WDPCP: variants seen among roughly 807,000 people sequenced by gnomAD.
The protein encoded by WDPCP is WD repeat containing planar cell polarity effector, also known as WD repeat-containing and planar cell polarity effector protein fritz homolog.
A neutral mutation model predicts 93.1 loss-of-function variants in WDPCP; 71 were observed. That is an observed-to-expected ratio of 0.76 (90% confidence interval 0.63 to 0.93). The LOEUF is 0.93. Among genes scored for constraint, WDPCP ranks in the 40% least tolerant of loss-of-function variants. The pLI is 0.00. For synonymous variants in WDPCP, 315 were observed against 315.0 expected, an observed-to-expected ratio of 1.00 and a Z score of 0.00; for missense variants, 844 against 887.4, an observed-to-expected ratio of 0.95 and a Z score of 0.62.
At chr2:63,345,494 C>A (rs2104497240) in intron 12 of WDPCP, among the ~76,000 whole-genome samples, 1 of 152,220 alleles carries the variant, frequency 6.6e-6, no homozygotes, top group South Asian at 2.1e-4. Context: ...TTCAGGAAGG[C>A]TAGTGAAAGA....
chr2:63,165,715 G>A (rs1672917459), intron 15 of WDPCP, among the ~76,000 whole-genome samples: 1 of 150,198 alleles, frequency 6.7e-6, no homozygotes, highest in African/African-American at 2.5e-5. Context: ...TGTTTTCTAA[G>A]TTTTCAAATT....
chr2:63,228,901 A>G (rs1678565203), intron 14 of WDPCP: 1 of 152,140 alleles, frequency 6.6e-6, no homozygotes, highest in Non-Finnish European at 1.5e-5. Flanking sequence ...ATACGTGTGC[A>G]TGTGTCTTTA....
intron 15 of WDPCP, among the ~76,000 whole-genome samples, chr2:63,166,198 C>CTGGGA (rs925113562): frequency 6.6e-6 from 1 of 151,758 alleles, no homozygotes; most frequent in Non-Finnish European, 1.5e-5. Flanking sequence ...TCCCAAGTAG[C>CTGGGA]TGGGACTACA....
At chr2:63,799,260 T>C (rs1329283233) in intron 2 of WDPCP, among the ~76,000 whole-genome samples, 4 of 152,178 alleles carry the variant, frequency 2.6e-5, no homozygotes, top group African/African-American at 7.2e-5. Context: ...ATCTTGTTAG[T>C]TGTTGAATTC....
chr2:63,690,548 G>C (rs756883333), intron 2 of WDPCP, among the ~76,000 whole-genome samples: 2 of 152,052 alleles, frequency 1.3e-5, no homozygotes, highest in Non-Finnish European at 2.9e-5. Context: ...GAGCCCAGGA[G>C]TTTGAGATCA....
intron 1 of WDPCP, among the ~76,000 whole-genome samples, chr2:63,814,071 G>A (rs1049471663): frequency 6.6e-6 from 1 of 152,150 alleles, no homozygotes; most frequent in Non-Finnish European, 1.5e-5. Context: ...TAACAAAGGG[G>A]TGGATGTATA....
chr2:63,575,539 GTA>G (rs1195049237), intron 1 of WDPCP, among the ~76,000 whole-genome samples: 1 of 138,176 alleles, frequency 7.2e-6, no homozygotes, highest in Non-Finnish European at 1.6e-5. Flanking sequence ...TATATACACT[GTA>G]TATATAGTAT....
Position 63,474,797 on chromosome 2 carries a change from TTA to T in WDPCP, c.384+9805_384+9806del, listed in dbSNP as rs538243739. Among the ~76,000 whole-genome samples, 191 of 152,256 alleles carry T rather than the reference TTA, an allele frequency of 1.3e-3. 2 individuals are homozygous for T. The highest frequency in any genetic ancestry group is 4.3e-3 in the African/African-American group (180 of 41,574). ...TAATGTATTAATGTAAGTTCAAATA[TTA>T]TGTGTTAAAATAATTAGGCCATATG... On this transcript the variant is annotated intron_variant, in intron 6 of 17. Coordinates refer to ENST00000272321, the MANE Select transcript of WDPCP (RefSeq NM_015910.7).
chr2:63,738,393 T>TTTTTTTTTTTTTTTTTTTTTTTTTTA (rs1553453624), intron 2 of WDPCP, among the ~76,000 whole-genome samples: 1 of 151,242 alleles, frequency 6.6e-6, no homozygotes, highest in Non-Finnish European at 1.5e-5. Context: ...GGGCTACTAT[T>TTTTTTTTTTTTTTTTTTTTTTTTTTA]GACATTTGCT....
chr2:63,519,591 C>G (rs1702790216), intron 1 of WDPCP, among the ~76,000 whole-genome samples: 1 of 152,184 alleles, frequency 6.6e-6, no homozygotes, highest in African/African-American at 2.4e-5. Context: ...GGGCCTGATA[C>G]CAGCTCCCCA....
intron 7 of WDPCP, among the ~76,000 whole-genome samples, chr2:63,438,200 T>A (rs937028129): frequency 2.0e-5 from 3 of 152,098 alleles, no homozygotes; most frequent in Admixed American, 1.3e-4. Context: ...TAATGTTACA[T>A]AAAATTATTG....
intron 2 of WDPCP, among the ~76,000 whole-genome samples, chr2:63,715,915 A>G (rs562611843): frequency 6.6e-6 from 1 of 152,324 alleles, no homozygotes; most frequent in East Asian, 1.9e-4. Context: ...ATAGGAATTT[A>G]CTATTTGAGG....
intron 9 of WDPCP, among the ~76,000 whole-genome samples, chr2:63,425,670 CAA>C (rs1696225172): frequency 6.6e-6 from 1 of 151,848 alleles, no homozygotes; most frequent in Non-Finnish European, 1.5e-5. Context: ...GTAAGACAAA[CAA>C]TTTTTAAAAG....
chr2:63,424,238 G>A (rs776823456), intron 9 of WDPCP, among the ~76,000 whole-genome samples: 26 of 150,048 alleles, frequency 1.7e-4, no homozygotes, highest in Non-Finnish European at 3.1e-4. Flanking sequence ...CCAGGGAGGC[G>A]CGCGGTGTGT....
chr2:63,277,063 G>T lies in WDPCP; in HGVS notation c.1813-17654C>A, dbSNP rs938273698. On this transcript the variant is annotated intron_variant, in intron 13 of 17. Coordinates refer to ENST00000272321, the MANE Select transcript of WDPCP (RefSeq NM_015910.7). ...ACCCTATAAGCTAAAAGGAATTGGG[G>T]TCCTATTTTTAGCCTCCTTAAACAA... Among the ~76,000 whole-genome samples, 11 of 152,134 alleles carry T rather than the reference G, an allele frequency of 7.2e-5. No homozygotes were observed. The East Asian group carries it at 1.2e-3, about 16-fold the overall frequency.
intron 14 of WDPCP, among the ~76,000 whole-genome samples, chr2:63,227,587 A>ACTT (rs1244310263): frequency 1.3e-5 from 2 of 152,056 alleles, no homozygotes; most frequent in African/African-American, 4.8e-5. Context: ...CTTAAAAAGC[A>ACTT]GACTAGTAAA....
intron 10 of WDPCP, among the ~76,000 whole-genome samples, chr2:63,389,755 G>A (rs947019029): frequency 7.2e-5 from 11 of 152,132 alleles, no homozygotes; most frequent in African/African-American, 2.4e-4. Flanking sequence ...CCTAGGGTCT[G>A]ATAAAATAGA....
At chr2:63,324,775 A>G (rs1389794218) in intron 12 of WDPCP, among the ~76,000 whole-genome samples, 1 of 152,128 alleles carries the variant, frequency 6.6e-6, no homozygotes, top group Non-Finnish European at 1.5e-5. Flanking sequence ...TGGGACCTCA[A>G]CTCAGATCAT....
intron 3 of WDPCP, chr2:63,599,737 T>C (rs918695789): frequency 6.6e-6 from 1 of 152,268 alleles, no homozygotes; most frequent in Non-Finnish European, 1.5e-5. Flanking sequence ...AATTTTTAAT[T>C]TTATATTTAA....
Sources: gnomAD v4.1 joint callset for allele counts (sites outside exome capture counted in the v4.1 genomes callset) on GRCh38, gnomAD v4.1.1 for gene constraint, MANE v1.5 for transcripts, NCBI Gene and HGNC (gene_info 2026-07-23, HGNC 2026-07-21) for gene names.